Variants in BCAT2 observed in about 807,000 individuals in gnomAD.
BCAT2 encodes branched-chain-amino-acid aminotransferase, mitochondrial.
A neutral mutation model predicts 52.9 loss-of-function variants in BCAT2; 44 were observed. The observed-to-expected ratio is 0.83, with a 90% CI of 0.65 to 1.07. The LOEUF (loss-of-function observed/expected upper bound fraction) is 1.07. Among genes scored for constraint, BCAT2 ranks in the 50% least tolerant of loss-of-function variants. The pLI, the probability that BCAT2 is intolerant of heterozygous loss-of-function variation, is 0.00. For missense variants in BCAT2, 478 were observed against 521.8 expected (o/e 0.92, Z 0.82); for synonymous variants, 215 against 217.1 (o/e 0.99, Z 0.08).
chr19:48,809,066 C>CAAA (rs3057799), intron 1 of BCAT2, among the ~76,000 whole-genome samples: 1,993 of 28,946 alleles, frequency 0.069, 676 homozygotes, highest in Non-Finnish European at 0.079. Flanking sequence ...GAGTGTCTCT[C>CAAA]AAAAAAAAAA....
chr19:48,810,927 CG>C, intron 1 of BCAT2, 56 bp downstream of exon 1: 1 of 1,589,466 alleles, frequency 6.3e-7, no homozygotes, highest in South Asian at 1.1e-5. Flanking sequence ...GTGGTCTTCC[CG>C]GAAGTGCGCC....
chr19:48,806,338 G>A (rs963453508), intron 3 of BCAT2, among the ~76,000 whole-genome samples, 179 bp downstream of exon 3: 1 of 151,632 alleles, frequency 6.6e-6, no homozygotes, highest in Non-Finnish European at 1.5e-5. Flanking sequence ...CTCATCTCGG[G>A]GAACCCAGCA....
Position 48,796,380 on chromosome 19 carries a change from C to T in BCAT2, c.1140+48G>A, listed in dbSNP as rs138530799. ...CCAGGGGCTCATGGGACACCAACTT[C>T]TCCAGGGAACAAGCTCCCAGCCCAT... On this transcript the variant is annotated intron_variant, in intron 10 of 10. Coordinates refer to ENST00000316273, the MANE Select transcript of BCAT2 (RefSeq NM_001190.4). 12 of 1,611,078 alleles carry T rather than the reference C, an allele frequency of 7.4e-6. No individual in the cohort carries two copies. The African/African-American group carries it at 1.6e-4, about 21-fold the overall frequency.
chr19:48,796,735 A>G lies in BCAT2; in HGVS notation c.925-17T>C. On this transcript the variant is annotated splice_polypyrimidine_tract_variant and intron_variant, in intron 8 of 10. Coordinates refer to ENST00000316273, the MANE Select transcript of BCAT2 (RefSeq NM_001190.4). ...GAACTCACCCTGCAGGGCAGTTGGCAGAGACACGTGTCCCCAGAGGGTTGC... is the reference window on the plus strand; with the variant it reads ...GAACTCACCCTGCAGGGCAGTTGGCGGAGACACGTGTCCCCAGAGGGTTGC... The G allele has an allele frequency of 1.9e-6, 3 of 1,606,420 alleles. No individual in the cohort carries two copies. Among genetic ancestry groups the G allele is most frequent in the Non-Finnish European group, 2.5e-6 (3 of 1,176,992 alleles).
chr19:48,795,581 G>A (rs550706163), intron 10 of BCAT2, 117 bp from the exon 11 acceptor site: 9 of 1,200,674 alleles, frequency 7.5e-6, no homozygotes, highest in South Asian at 5.2e-5. Context: ...CACGGGAAAT[G>A]TAGTCCACTT....
intron 1 of BCAT2, among the ~76,000 whole-genome samples, chr19:48,809,212 G>A (rs966927270): frequency 2.0e-5 from 3 of 151,830 alleles, no homozygotes; most frequent in African/African-American, 7.3e-5. Flanking sequence ...GTTACAGTGA[G>A]CCGAGATCGT....
chr19:48,806,627 G>A lies in BCAT2; in HGVS notation c.190C>T (p.His64Tyr). Residue 64 changes from histidine (H) to tyrosine (Y), a missense_variant, in exon 3 of 11, where the codon CAC becomes TAC. His to Tyr is a moderately conservative substitution (Grantham distance 83). Transcript: ENST00000316273. ...PLVFGKTFTD[H>Y]MLMVEWNDKG... ...TCATTCCATTCCACCATCAGCATGT[G>A]GTCGGTAAATGTCTTCCCAAACACC... The A allele has an allele frequency of 6.2e-7, 1 of 1,614,194 alleles. No individual in the cohort carries two copies. The highest frequency in any genetic ancestry group is 8.5e-7 in the Non-Finnish European group (1 of 1,180,040).
Position 48,801,552 on chromosome 19 carries a change from A to G in BCAT2, c.301-1255T>C, listed in dbSNP as rs542515321. Among the ~76,000 whole-genome samples the G allele has an allele frequency of 1.4e-3, 214 of 152,150 alleles. 1 individual carries two copies. The highest frequency in any genetic ancestry group is 4.9e-3 in the African/African-American group (205 of 41,462). ...ACCAGAAAAAATTCCAGGTGCATTA[A>G]AAGTCTAAACAAAATATATATATAT... On this transcript the variant is annotated intron_variant, in intron 3 of 10. Transcript: ENST00000316273.
Position 48,807,304 on chromosome 19 carries a change from C to A in BCAT2, c.25-230G>T, listed in dbSNP as rs539062293. The A allele has an allele frequency of 1.3e-5, 6 of 468,778 alleles. No individual in the cohort carries two copies. In the Admixed American group the frequency reaches 2.3e-4, roughly 18 times the overall value. 29.0% of individuals were successfully genotyped at this position (468,778 alleles called of 1,614,324 possible). A position where few individuals can be genotyped will look rare whatever the true frequency, so the allele number is the denominator to read the frequency against. ...AGCTCCCGCCCCCTCCTCCATGCTG[C>A]GGCAAAGTCAAACGCAAGCGCCTCC... On this transcript the variant is annotated intron_variant, in intron 1 of 10. Transcript: ENST00000316273. This position sits in a 1 kb window ranked among gnomAD's most constrained non-coding sequence, Gnocchi z 4.6.
chr19:48,797,497 G>T, intron 6 of BCAT2, 164 bp from the exon 7 acceptor site: 2 of 799,246 alleles, frequency 2.5e-6, no homozygotes, highest in Non-Finnish European at 1.9e-6. Flanking sequence ...TTTGGCATCA[G>T]GACCCTAAAT....
In BCAT2 at chr19:48,806,698, T is replaced by G; in HGVS notation, c.119A>C (p.Glu40Ala). 1 of 1,613,582 alleles carries G rather than the reference T, an allele frequency of 6.2e-7. No homozygotes were observed. The highest frequency in any genetic ancestry group is 8.5e-7 in the Non-Finnish European group (1 of 1,180,028). Residue 40 changes from glutamate (E) to alanine (A), a missense_variant, in exon 3 of 11, where the codon GAA (glutamate) becomes GCA (alanine). Physicochemically the swap from Glu to Ala is moderately radical, Grantham distance 107. Transcript: ENST00000316273. Reference protein sequence around the residue: ...SSFKAADLQLEMTQKPHKKPG... With the variant: ...SSFKAADLQLAMTQKPHKKPG... ...CTTCTTATGAGGCTTCTGTGTCATT[T>G]CCAGCTGCAGGTCTGCAGCCTGAGG...
chr19:48,810,908 T>A, intron 1 of BCAT2, 76 bp downstream of exon 1: 1 of 1,568,426 alleles, frequency 6.4e-7, no homozygotes, highest in Non-Finnish European at 8.6e-7. Context: ...TCGGACCGGC[T>A]GCAGGCCAGT....
At position 48,807,118 on chromosome 19, in the gene BCAT2, C is replaced by G. The variant is rs868835633; in HGVS notation, c.25-44G>C. ...GAGAGAGGGGGTGAGTGGGGCACAG[C>G]AGGGGCCCTGGCAGCTCGCTCGCCA... On this transcript the variant is annotated intron_variant, in intron 1 of 10. Coordinates refer to ENST00000316273, the MANE Select transcript of BCAT2 (RefSeq NM_001190.4). The surrounding 1 kb of genome is among the most constrained non-coding windows in gnomAD (Gnocchi z 4.6). 1.3e-6 allele frequency: 2 copies of G among 1,550,454 alleles called. No individual in the cohort carries two copies. The highest frequency in any genetic ancestry group is 1.7e-4 in the Middle Eastern group (1 of 5,764).
chr19:48,806,747 T>C, intron 2 of BCAT2, 30 bp from the exon 3 acceptor site: 2 of 1,608,322 alleles, frequency 1.2e-6, no homozygotes, highest in Non-Finnish European at 1.7e-6. Context: ...TCCTAGAATC[T>C]GGCCACAACC....
intron 2 of BCAT2, 42 bp from the exon 3 acceptor site, chr19:48,806,759 C>A: frequency 6.2e-7 from 1 of 1,603,256 alleles, no homozygotes; most frequent in Non-Finnish European, 8.5e-7. Context: ...GCCACAACCT[C>A]CCAGCTGAAA....
In BCAT2 at chr19:48,799,342, T is replaced by G; in HGVS notation, c.695+333A>C. 1 of 236,490 alleles carries G rather than the reference T, an allele frequency of 4.2e-6. No homozygotes were observed. The highest frequency in any genetic ancestry group is 8.1e-6 in the Non-Finnish European group (1 of 123,408). 14.6% of individuals were successfully genotyped at this position (236,490 alleles called of 1,614,324 possible). On this transcript the variant is annotated intron_variant, in intron 6 of 10. Transcript: ENST00000316273. The surrounding 1 kb of genome is among the most constrained non-coding windows in gnomAD (Gnocchi z 5.5). The stretch of plus-strand genomic sequence containing the variant: ...GGGGAGCGCAGCCCAGCCTGGGGGA[T>G]CAGGGGAGGCTTCTGGGGCGAGAAG...
Position 48,796,623 on chromosome 19 carries a change from G to A in BCAT2, c.1020C>T (p.Thr340=), listed in dbSNP as rs1345846691. 14 of 1,613,580 alleles carry A rather than the reference G, an allele frequency of 8.7e-6. No individual in the cohort carries two copies. The highest frequency in any genetic ancestry group is 2.2e-5 in the East Asian group (1 of 44,884). ...GGTGCACTGGGCAGACCTGGCAAGC[G>A]GTGCCCGAGCCAAAGACTTCCCGCA... ...GRVREVFGSG[T]ACQVCPVHRI... is the part of the protein sequence containing the mutation. The change falls in exon 9 of 11, where the codon ACC becomes ACT. Residue 340 remains threonine (T), a synonymous_variant. Transcript: ENST00000316273.
In BCAT2 at chr19:48,811,016, C is replaced by A; in HGVS notation, c.-9G>T. 4 of 1,600,342 alleles carry A rather than the reference C, an allele frequency of 2.5e-6. No homozygotes were observed. Among genetic ancestry groups the A allele is most frequent in the Admixed American group, 1.7e-5 (1 of 59,074 alleles). ...AGAGCGGCTGCGGCCATGATCCGTG[C>A]GGCGCGTAACTGTGCCCGCCCGGGG... On this transcript the variant is annotated 5_prime_UTR_variant, in exon 1 of 11. Coordinates refer to ENST00000316273, the MANE Select transcript of BCAT2 (RefSeq NM_001190.4).
intron 1 of BCAT2, among the ~76,000 whole-genome samples, chr19:48,810,126 C>T (rs984384303): frequency 6.6e-6 from 1 of 152,090 alleles, no homozygotes; most frequent in African/African-American, 2.4e-5. Context: ...CCACATACCC[C>T]AGGTATCCCA....
Sources: allele counts gnomAD v4.1 joint callset (sites outside exome capture counted in the v4.1 genomes callset), GRCh38; gene constraint gnomAD v4.1.1; non-coding constraint Gnocchi (gnomAD v3.1); transcripts MANE v1.5; gene names NCBI Gene and HGNC (gene_info 2026-07-23, HGNC 2026-07-21).